CGRRF1: variants seen among roughly 807,000 people sequenced by gnomAD.
CGRRF1 encodes the protein cell growth regulator with RING finger domain protein 1.
Under a neutral mutation model 37.2 loss-of-function variants are expected in CGRRF1, and 32 were observed. The observed-to-expected ratio is 0.86, with a 90% CI of 0.65 to 1.16. The LOEUF (loss-of-function observed/expected upper bound fraction) is 1.16, where lower values mean the gene tolerates loss of function less well. Ranked by LOEUF, CGRRF1 falls within the 50% of genes most tolerant of loss-of-function variation. The pLI is 0.00. For synonymous variants in CGRRF1, 141 were observed against 140.3 expected (o/e 1.00, Z -0.04); for missense variants, 391 against 382.6 (o/e 1.02, Z -0.18).
chr14:54,535,174 A>C (rs775077844), intron 4 of CGRRF1, among the ~76,000 whole-genome samples: 16 of 152,252 alleles, frequency 1.1e-4, no homozygotes, highest in Non-Finnish European at 2.1e-4. Context: ...ACCACAGTAT[A>C]GTCATCTGCT....
intron 4 of CGRRF1, among the ~76,000 whole-genome samples, chr14:54,533,688 A>C (rs1248462662): frequency 6.6e-6 from 1 of 152,028 alleles, no homozygotes; most frequent in Non-Finnish European, 1.5e-5. Context: ...ATATTTAGGT[A>C]GTACAGTTAG....
At chr14:54,528,646 GTGTATA>G (rs1426345207) in intron 2 of CGRRF1, among the ~76,000 whole-genome samples, 1 of 152,068 alleles carries the variant, frequency 6.6e-6, no homozygotes, top group Non-Finnish European at 1.5e-5. Flanking sequence ...GTGTATATGT[GTGTATA>G]TGTATTTGTG....
chr14:54,520,566 G>A (rs2032299313), intron 1 of CGRRF1, among the ~76,000 whole-genome samples: 1 of 152,160 alleles, frequency 6.6e-6, no homozygotes, highest in East Asian at 1.9e-4. Flanking sequence ...TCCTACTCCT[G>A]TACTTCCGGA....
chr14:54,535,601 GT>G (rs992052440), intron 4 of CGRRF1, among the ~76,000 whole-genome samples: 2 of 151,878 alleles, frequency 1.3e-5, no homozygotes, highest in African/African-American at 4.8e-5. Context: ...CCACTCTTCT[GT>G]TTTTTTCTCC....
At chr14:54,510,183 C>A (rs2032106515) in intron 1 of CGRRF1, 120 bp downstream of exon 1, 1 of 703,206 alleles carries the variant, frequency 1.4e-6, no homozygotes. Flanking sequence ...GATTCGGTGT[C>A]CCCGGGTGCC....
At chr14:54,514,091 T>C (rs988772115) in intron 1 of CGRRF1, among the ~76,000 whole-genome samples, 2 of 152,172 alleles carry the variant, frequency 1.3e-5, no homozygotes, top group Non-Finnish European at 2.9e-5. Context: ...CCTAGGGTAG[T>C]TTCTTTGCAA....
chr14:54,530,091 T>TTACATGC lies in CGRRF1; in HGVS notation c.291_297dup (p.Trp100MetfsTer12), dbSNP rs768109730. On this transcript the variant is annotated frameshift_variant, in exon 3 of 6. Transcript: ENST00000216420. LOFTEE classifies it high-confidence loss of function. ...ACAGATTGCCTTGAAGATAGCCTCC[T>TTACATGC]TACATGCTACTGGGGGTGCAGTGTT... 6.2e-7 allele frequency: 1 copy of TTACATGC among 1,613,240 alleles called. No individual in the cohort carries two copies. The highest frequency in any genetic ancestry group is 1.1e-5 in the South Asian group (1 of 91,026).
rs369114920 is a variant in CGRRF1, at chr14:54,538,388, A to C, written c.*5A>C. On this transcript the variant is annotated 3_prime_UTR_variant, in exon 6 of 6. Transcript: ENST00000216420. ...GACAAACCGAAGACTCTTTGAAGAC[A>C]TCGTAACACTGAAAAGTACACTTTC... 1.1e-4 allele frequency: 182 copies of C among 1,583,978 alleles called. No homozygotes were observed. The highest frequency in any genetic ancestry group is 1.4e-4 in the Non-Finnish European group (165 of 1,160,538).
At chr14:54,527,413 T>C (rs188820990) in intron 2 of CGRRF1, among the ~76,000 whole-genome samples, 13 of 152,266 alleles carry the variant, frequency 8.5e-5, no homozygotes, top group Admixed American at 1.3e-4. Flanking sequence ...TATACATATG[T>C]AGCAAACCTG....
In CGRRF1 at chr14:54,539,006, C is replaced by T. The variant is rs1323796369; in HGVS notation, c.*623C>T. 1 of 152,124 alleles carries T rather than the reference C, an allele frequency of 6.6e-6. No homozygotes were observed. Among genetic ancestry groups the T allele is most frequent in the Non-Finnish European group, 1.5e-5 (1 of 68,022 alleles). 9.4% of individuals were successfully genotyped at this position (152,124 alleles called of 1,614,324 possible). ...CCGTGTATTATAAAATGATACTCAT[C>T]TATAGGAGGCAGATATATAAAATTC... On this transcript the variant is annotated 3_prime_UTR_variant, in exon 6 of 6. Transcript: ENST00000216420.
At chr14:54,514,609 C>G (rs1347108437) in intron 1 of CGRRF1, among the ~76,000 whole-genome samples, 2 of 152,244 alleles carry the variant, frequency 1.3e-5, no homozygotes, top group Non-Finnish European at 2.9e-5. Context: ...CTTCCACCCT[C>G]AGGTGGATCC....
intron 2 of CGRRF1, among the ~76,000 whole-genome samples, chr14:54,526,062 A>C (rs547446183): frequency 3.3e-5 from 5 of 151,806 alleles, no homozygotes; most frequent in African/African-American, 1.2e-4. Context: ...ATGCCACTGC[A>C]CTCCAGCCTG....
At chr14:54,535,359 TCACACACA>T (rs143950400) in intron 4 of CGRRF1, among the ~76,000 whole-genome samples, 190 of 140,590 alleles carry the variant, frequency 1.4e-3, no homozygotes, top group African/African-American at 4.7e-3. Flanking sequence ...AAGGGTATAG[TCACACACA>T]CACACACACA....
rs375810787 is a variant in CGRRF1 at position 54,538,185 on chromosome 14, G to A, written c.801G>A (p.Ser267=). Residue 267 remains serine, a synonymous_variant, in exon 6 of 6, where the codon TCG becomes TCA. Transcript: ENST00000216420. ...VGLSESEVEP[S]EENSKDCVVC... ...TCTCTGAAAGTGAAGTTGAGCCATC[G>A]GAAGAGAACAGCAAGGACTGTGTTG... is the stretch of plus-strand genomic sequence containing the variant. 61 of 1,614,166 alleles carry A rather than the reference G, an allele frequency of 3.8e-5. No homozygotes were observed. The highest frequency in any genetic ancestry group is 1.6e-4 in the Middle Eastern group (1 of 6,062).
intron 2 of CGRRF1, among the ~76,000 whole-genome samples, chr14:54,529,837 T>A (rs2032477396): frequency 6.6e-6 from 1 of 152,208 alleles, no homozygotes; most frequent in African/African-American, 2.4e-5. Context: ...AGTTTTTTGA[T>A]AGCTCTCAAA....
At position 54,524,260 on chromosome 14, in the gene CGRRF1, C is replaced by T. The variant is rs60333237; in HGVS notation, c.244+1667C>T. 7.0e-3 allele frequency among the ~76,000 whole-genome samples: 1,059 copies of T among 152,240 alleles called. 7 individuals carry two copies. Among genetic ancestry groups the T allele is most frequent in the African/African-American group, 0.024 (1,005 of 41,534 alleles). On this transcript the variant is annotated intron_variant, in intron 2 of 5. Transcript: ENST00000216420. The stretch of plus-strand genomic sequence containing the variant: ...GTCCTGCTCCCTTGCGTCTATGGAC[C>T]ATTCTTGTCTATTCATCTTTCCTGC...
Position 54,510,043 on chromosome 14 carries a change from C to T in CGRRF1, c.84C>T (p.Thr28=). The change falls in exon 1 of 6, where the codon ACC becomes ACT. Residue 28 remains threonine (T), a synonymous_variant. Coordinates refer to ENST00000216420, the MANE Select transcript of CGRRF1 (RefSeq NM_006568.3). ...TGGTCTTTACCTGCTTCATCGTGAC[C>T]ACCGGCCTGGTATTGGGATGGTAAG... is the stretch of plus-strand genomic sequence containing the variant. The part of the protein sequence containing the change: ...IAVVFTCFIV[T]TGLVLGWFGW... The T allele has an allele frequency of 1.2e-6, 2 of 1,612,688 alleles. No homozygotes were observed. Among genetic ancestry groups the T allele is most frequent in the Non-Finnish European group, 1.7e-6 (2 of 1,178,742 alleles).
chr14:54,521,268 C>G lies in CGRRF1; in HGVS notation c.105-1186C>G, dbSNP rs538091486. Among the ~76,000 whole-genome samples the G allele has an allele frequency of 7.6e-4, 116 of 151,972 alleles. 2 individuals are homozygous for G. In the Middle Eastern group the frequency reaches 0.021, roughly 27 times the overall value. Reference sequence around the variant, plus strand: ...CTAAGGTCAGGAGTTCGAGACCAGCCTGGTCAATATGGTGAAACCCCGTCT... The same window carrying G: ...CTAAGGTCAGGAGTTCGAGACCAGCGTGGTCAATATGGTGAAACCCCGTCT... On this transcript the variant is annotated intron_variant, in intron 1 of 5. Transcript: ENST00000216420.
At chr14:54,533,341 C>A (rs1295252228) in intron 4 of CGRRF1, among the ~76,000 whole-genome samples, 3 of 151,958 alleles carry the variant, frequency 2.0e-5, no homozygotes, top group Non-Finnish European at 4.4e-5. Context: ...CTGAGTGTCT[C>A]CCAAGGGTTA....
Sources: allele counts gnomAD v4.1 joint callset (sites outside exome capture counted in the v4.1 genomes callset), GRCh38; gene constraint gnomAD v4.1.1; transcripts MANE v1.5; gene names NCBI Gene and HGNC (gene_info 2026-07-23, HGNC 2026-07-21).